Variants in PDE10A observed in about 807,000 individuals in gnomAD.
PDE10A encodes the protein phosphodiesterase 10A.
Under a neutral mutation model 97.7 loss-of-function variants are expected in PDE10A, and 39 were observed. The observed-to-expected ratio is 0.40, with a 90% CI of 0.31 to 0.52. PDE10A has a LOEUF of 0.52. PDE10A is among the 20% of genes least tolerant of loss of function. The probability of loss-of-function intolerance (pLI) is 0.56; values close to 1 mark genes in which losing one functional copy is unlikely to be tolerated. For missense variants in PDE10A, 731 were observed against 1,047.8 expected (o/e 0.70, Z 4.17); for synonymous variants, 371 against 376.8 (o/e 0.98, Z 0.18).
chr6:165,501,827 T>C (rs527243802), intron 2 of PDE10A, among the ~76,000 whole-genome samples: 1 of 152,316 alleles, frequency 6.6e-6, no homozygotes, highest in Non-Finnish European at 1.5e-5. Flanking sequence ...GTAATGCAAA[T>C]GACCCAGATG....
chr6:165,441,212 A>C (rs945808012), intron 5 of PDE10A, among the ~76,000 whole-genome samples: 1 of 152,098 alleles, frequency 6.6e-6, no homozygotes, highest in Non-Finnish European at 1.5e-5. Context: ...CTCATCATCC[A>C]ATCTGTTTTT....
At chr6:165,508,551 A>G (rs1286659284) in intron 2 of PDE10A, among the ~76,000 whole-genome samples, 2 of 151,962 alleles carry the variant, frequency 1.3e-5, no homozygotes, top group Non-Finnish European at 2.9e-5. Flanking sequence ...AATACCTTAG[A>G]GAGGAATGAA....
At chr6:165,557,856 T>C (rs1261516872) in intron 1 of PDE10A, among the ~76,000 whole-genome samples, 2 of 152,132 alleles carry the variant, frequency 1.3e-5, no homozygotes, top group Non-Finnish European at 2.9e-5. Context: ...AGATGAATAG[T>C]TAGTGGATAA....
At chr6:165,605,821 G>A (rs1254286323) in intron 1 of PDE10A, among the ~76,000 whole-genome samples, 2 of 152,068 alleles carry the variant, frequency 1.3e-5, no homozygotes, top group African/African-American at 2.4e-5. Context: ...TTGGAGAGTG[G>A]GGAGAGAGAC....
intron 1 of PDE10A, among the ~76,000 whole-genome samples, chr6:165,815,802 A>G (rs1291591372): frequency 2.6e-5 from 4 of 152,134 alleles, no homozygotes; most frequent in African/African-American, 9.7e-5. Context: ...CCACTAGCCC[A>G]TTCTGGTCCC....
intron 1 of PDE10A, among the ~76,000 whole-genome samples, chr6:165,919,211 A>G (rs529492858): frequency 6.6e-6 from 1 of 152,022 alleles, no homozygotes; most frequent in African/African-American, 2.4e-5. Flanking sequence ...TTCTGTCACC[A>G]TTTCCCATTA....
At chr6:165,699,823 G>A (rs1276851243) in intron 1 of PDE10A, among the ~76,000 whole-genome samples, 2 of 152,124 alleles carry the variant, frequency 1.3e-5, no homozygotes, top group Non-Finnish European at 2.9e-5. Context: ...ATGGGACGCA[G>A]CTAAAACAGT....
intron 18 of PDE10A, among the ~76,000 whole-genome samples, chr6:165,377,415 T>C (rs150147888): frequency 6.6e-6 from 1 of 152,282 alleles, no homozygotes; most frequent in East Asian, 1.9e-4. Context: ...CAAACATGCA[T>C]TGCCTTTCAA....
intron 1 of PDE10A, among the ~76,000 whole-genome samples, chr6:165,691,203 C>CCACACACACA (rs1241239698): frequency 1.1e-4 from 12 of 108,656 alleles, no homozygotes; most frequent in African/African-American, 4.9e-4. Flanking sequence ...CTCTCTCTCC[C>CCACACACACA]CACACACACA....
At chr6:165,336,610 G>A (rs1454268295) in intron 20 of PDE10A, among the ~76,000 whole-genome samples, 4 of 141,834 alleles carry the variant, frequency 2.8e-5, no homozygotes, top group Non-Finnish European at 6.1e-5. Flanking sequence ...TTAGCTGGGC[G>A]CGGTGGCAGG....
Position 165,527,828 on chromosome 6 carries a change from C to A in PDE10A, c.994+15612G>T, listed in dbSNP as rs145716423. The stretch of plus-strand genomic sequence containing the variant: ...CTCTTCCTCAGTCTGTCAGTCTGTA[C>A]CGATGGCCTCATGGGGAGTTCCCTA... On this transcript the variant is annotated intron_variant, in intron 2 of 21. Transcript: ENST00000539869. 4.9e-3 allele frequency among the ~76,000 whole-genome samples: 748 copies of A among 152,254 alleles called. 4 individuals are homozygous for A. The highest frequency in any genetic ancestry group is 0.017 in the African/African-American group (701 of 41,554).
rs570043790 is a variant in PDE10A at position 165,740,844 on chromosome 6, G to C, written c.-614-197276C>G. ...AAAAAGTCAGTCTCATGGAAGTAGA[G>C]AGTAGAATGGGGATTGCTAGGGGCT... On this transcript the variant is annotated intron_variant, in intron 1 of 19. Transcript: ENST00000366882. 2.0e-5 allele frequency among the ~76,000 whole-genome samples: 3 copies of C among 152,318 alleles called. No individual in the cohort carries two copies. In the South Asian group the frequency reaches 6.2e-4, roughly 32 times the overall value.
At chr6:165,491,502 C>T (rs1409324821) in intron 2 of PDE10A, among the ~76,000 whole-genome samples, 1 of 152,150 alleles carries the variant, frequency 6.6e-6, no homozygotes, top group South Asian at 2.1e-4. Context: ...GGCCACCAAA[C>T]AAATCTCAAC....
rs375208970 is a variant in PDE10A at position 165,760,001 on chromosome 6, T to C, written c.-614-216433A>G. Among the ~76,000 whole-genome samples the C allele has an allele frequency of 1.1e-4, 17 of 152,360 alleles. 1 individual carries two copies. The highest frequency in any genetic ancestry group is 4.1e-4 in the African/African-American group (17 of 41,588). The stretch of plus-strand genomic sequence containing the variant: ...AGTTGCATGAATTGGTTAAAATCAA[T>C]GTACTGAACCAGTGTTAGTATCGCT... On this transcript the variant is annotated intron_variant, in intron 1 of 19. Coordinates refer to the PDE10A transcript ENST00000366882.
At chr6:165,673,629 G>A (rs1474360757) in intron 1 of PDE10A, among the ~76,000 whole-genome samples, 3 of 152,172 alleles carry the variant, frequency 2.0e-5, no homozygotes, top group South Asian at 2.1e-4. Context: ...TAGTTTTAGC[G>A]ATACATTCTG....
intron 17 of PDE10A, among the ~76,000 whole-genome samples, chr6:165,384,196 C>A (rs3799156): frequency 7.2e-5 from 11 of 151,820 alleles, no homozygotes; most frequent in African/African-American, 2.4e-4. Context: ...GAGGAAAAGG[C>A]GGAAAAACAG....
chr6:165,481,765 C>A lies in PDE10A; in HGVS notation c.1023+550G>T, dbSNP rs144926098. On this transcript the variant is annotated intron_variant, in intron 3 of 21. Transcript: ENST00000539869. ...TCTTAACTAGGCCATGAAAACAGTA[C>A]CTTTAATATTTATAAAATTTCTAAG... Among the ~76,000 whole-genome samples the A allele has an allele frequency of 2.4e-3, 367 of 152,152 alleles. 1 individual carries two copies. The highest frequency in any genetic ancestry group is 8.4e-3 in the African/African-American group (348 of 41,528).
At chr6:165,869,660 C>T (rs1781146459) in intron 1 of PDE10A, among the ~76,000 whole-genome samples, 1 of 152,032 alleles carries the variant, frequency 6.6e-6, no homozygotes, top group South Asian at 2.1e-4. Context: ...ACAAAAAGAA[C>T]AAAGCTGAAA....
At chr6:165,953,927 T>A (rs991652698) in intron 1 of PDE10A, among the ~76,000 whole-genome samples, 2 of 152,146 alleles carry the variant, frequency 1.3e-5, no homozygotes, top group Non-Finnish European at 2.9e-5. Flanking sequence ...CATCTCTCCA[T>A]CCTCCCGAGC....
Sources: gnomAD v4.1 joint callset for allele counts (sites outside exome capture counted in the v4.1 genomes callset) on GRCh38, gnomAD v4.1.1 for gene constraint, MANE v1.5 for transcripts, NCBI Gene and HGNC (gene_info 2026-07-23, HGNC 2026-07-21) for gene names.